Variants in SLC2A13 observed in about 807,000 individuals in gnomAD.
SLC2A13 encodes the protein solute carrier family 2 member 13, also known as proton myo-inositol cotransporter.
SLC2A13 carries 32 observed loss-of-function variants against 64.4 expected under a neutral mutation model. That is an observed-to-expected ratio of 0.50 (90% confidence interval 0.37 to 0.67). The LOEUF is 0.67. Among genes scored for constraint, SLC2A13 ranks in the 30% least tolerant of loss-of-function variants. The pLI, the probability that SLC2A13 is intolerant of heterozygous loss-of-function variation, is 0.00. For missense variants in SLC2A13, 743 were observed against 829.2 expected, an observed-to-expected ratio of 0.90 and a Z score of 1.28; for synonymous variants, 338 against 327.1, an observed-to-expected ratio of 1.03 and a Z score of -0.36.
chr12:39,886,236 G>A (rs545407694), intron 4 of SLC2A13, among the ~76,000 whole-genome samples: 2 of 152,210 alleles, frequency 1.3e-5, no homozygotes, highest in South Asian at 4.2e-4. Flanking sequence ...ACACACAAAT[G>A]TATTATTAAA....
At chr12:40,087,675 T>A (rs866047187) in intron 1 of SLC2A13, among the ~76,000 whole-genome samples, 1 of 152,162 alleles carries the variant, frequency 6.6e-6, no homozygotes, top group South Asian at 2.1e-4. Flanking sequence ...TAAGGAACTC[T>A]TACCTCATAA....
chr12:40,008,629 G>C (rs561217621), intron 3 of SLC2A13, among the ~76,000 whole-genome samples: 8 of 148,586 alleles, frequency 5.4e-5, no homozygotes, highest in African/African-American at 2.0e-4. Flanking sequence ...AAAAAAAAAA[G>C]AATATGGAGA....
chr12:39,811,492 T>C, intron 7 of SLC2A13, among the ~76,000 whole-genome samples: 1 of 152,164 alleles, frequency 6.6e-6, no homozygotes, highest in East Asian at 1.9e-4. Flanking sequence ...CCTGACGTTC[T>C]TGATATGTTA....
intron 6 of SLC2A13, among the ~76,000 whole-genome samples, chr12:39,844,539 AAAAG>A (rs1243239769): frequency 2.0e-5 from 3 of 152,084 alleles, no homozygotes; most frequent in Admixed American, 2.0e-4. Context: ...TTCTTTTTAG[AAAAG>A]AAAGCATTCA....
chr12:39,889,576 A>G (rs1476147428), intron 4 of SLC2A13, among the ~76,000 whole-genome samples: 1 of 131,098 alleles, frequency 7.6e-6, no homozygotes, highest in East Asian at 2.2e-4. Context: ...CTCTGTCACT[A>G]GGCTAGACTG....
intron 3 of SLC2A13, among the ~76,000 whole-genome samples, chr12:40,007,459 T>C (rs182553997): frequency 6.6e-6 from 1 of 152,036 alleles, no homozygotes; most frequent in African/African-American, 2.4e-5. Flanking sequence ...TCCACCAAAC[T>C]ATTTTATTTA....
chr12:39,826,918 T>C (rs1280143392), intron 7 of SLC2A13, among the ~76,000 whole-genome samples: 3 of 143,804 alleles, frequency 2.1e-5, no homozygotes, highest in African/African-American at 7.6e-5. Flanking sequence ...CTGTCACACC[T>C]GGTGGCTTCC....
At chr12:40,096,090 T>C (rs1285430867) in intron 1 of SLC2A13, among the ~76,000 whole-genome samples, 1 of 151,638 alleles carries the variant, frequency 6.6e-6, no homozygotes, top group Non-Finnish European at 1.5e-5. Flanking sequence ...TGGCTAATTT[T>C]TTTTTTTTTT....
chr12:39,971,649 G>A (rs1946647393), intron 3 of SLC2A13, among the ~76,000 whole-genome samples: 1 of 151,908 alleles, frequency 6.6e-6, no homozygotes, highest in Admixed American at 6.6e-5. Flanking sequence ...TTTATGTTAG[G>A]GGTTTGGAAC....
intron 4 of SLC2A13, among the ~76,000 whole-genome samples, chr12:39,877,199 T>G (rs995983980): frequency 6.6e-6 from 1 of 152,156 alleles, no homozygotes; most frequent in Non-Finnish European, 1.5e-5. Context: ...GACTGGGTAA[T>G]TTATAAATAA....
At chr12:39,983,021 C>T (rs1006886598) in intron 3 of SLC2A13, among the ~76,000 whole-genome samples, 14 of 147,334 alleles carry the variant, frequency 9.5e-5, no homozygotes, top group African/African-American at 3.2e-4. Context: ...AGAAATAACG[C>T]CGCATACCTA....
intron 4 of SLC2A13, among the ~76,000 whole-genome samples, chr12:39,934,957 A>G (rs181453128): frequency 5.9e-5 from 9 of 152,342 alleles, no homozygotes; most frequent in Non-Finnish European, 8.8e-5. Flanking sequence ...CTGCAATTCT[A>G]TCAGCCACAG....
chr12:40,050,129 A>G (rs1948231695), intron 1 of SLC2A13, among the ~76,000 whole-genome samples: 1 of 152,228 alleles, frequency 6.6e-6, no homozygotes, highest in Non-Finnish European at 1.5e-5. Context: ...AAATGTTGAC[A>G]CGGGATTTGT....
At chr12:39,814,516 C>G (rs989563747) in intron 7 of SLC2A13, among the ~76,000 whole-genome samples, 5 of 151,774 alleles carry the variant, frequency 3.3e-5, no homozygotes, top group African/African-American at 9.7e-5. Context: ...TACAATTTAA[C>G]AAAAATTAAT....
In SLC2A13 at chr12:40,002,322, A is replaced by G. The variant is rs76520634; in HGVS notation, c.925+25979T>C. On this transcript the variant is annotated intron_variant, in intron 3 of 9. Coordinates refer to ENST00000280871, the MANE Select transcript of SLC2A13 (RefSeq NM_052885.4). ...AAGTTAAGTAATGTATCCAACAACAACATTTAAAAAGTGGCAAAGTCCCAA... is the reference window on the plus strand; with the variant it reads ...AAGTTAAGTAATGTATCCAACAACAGCATTTAAAAAGTGGCAAAGTCCCAA... 5.5e-4 allele frequency among the ~76,000 whole-genome samples: 84 copies of G among 152,306 alleles called. No homozygotes were observed. In the East Asian group the frequency reaches 0.015, roughly 27 times the overall value.
At chr12:40,084,029 A>G (rs1283303335) in intron 1 of SLC2A13, among the ~76,000 whole-genome samples, 1 of 152,266 alleles carries the variant, frequency 6.6e-6, no homozygotes, top group Non-Finnish European at 1.5e-5. Flanking sequence ...ATACAAGTAT[A>G]GATTTGGGAG....
At chr12:39,869,467 G>A (rs1409675346) in intron 5 of SLC2A13, among the ~76,000 whole-genome samples, 2 of 152,126 alleles carry the variant, frequency 1.3e-5, no homozygotes, top group Admixed American at 6.5e-5. Flanking sequence ...ACTTGAATTG[G>A]CCACATAATA....
In SLC2A13 at chr12:40,105,935, CCGGCTGCCACGGCAGCAGCCGCCGCCA is replaced by C; in HGVS notation, c.-154_-128del. The C allele has an allele frequency of 1.5e-5, 17 of 1,167,280 alleles. No homozygotes were observed. Among genetic ancestry groups the C allele is most frequent in the Non-Finnish European group, 1.9e-5 (17 of 914,664 alleles). The allele number at this position is 1,167,280 out of a possible 1,614,324, so 72.3% of individuals were successfully genotyped here. A position where few individuals can be genotyped will look rare whatever the true frequency, so the allele number is the denominator to read the frequency against. On this transcript the variant is annotated 5_prime_UTR_variant, in exon 1 of 10. Coordinates refer to ENST00000280871, the MANE Select transcript of SLC2A13 (RefSeq NM_052885.4). The surrounding 1 kb of genome is among the most constrained non-coding windows in gnomAD (Gnocchi z 4.2). ...CGCTTTCTTCCTCCCGGCTTCCGCT[CCGGCTGCCACGGCAGCAGCCGCCGCCA>C]CGGCCGCTCCGGGGAGAAAGTTGCT... is the stretch of plus-strand genomic sequence containing the variant.
intron 3 of SLC2A13, among the ~76,000 whole-genome samples, chr12:39,972,182 A>G (rs1946675122): frequency 8.2e-6 from 1 of 121,572 alleles, no homozygotes; most frequent in African/African-American, 3.0e-5. Flanking sequence ...AAATGAAGGT[A>G]TAAAGTAGGC....
Sources: gnomAD v4.1 joint callset for allele counts (sites outside exome capture counted in the v4.1 genomes callset) on GRCh38, gnomAD v4.1.1 for gene constraint, Gnocchi (gnomAD v3.1) non-coding constraint, MANE v1.5 for transcripts, NCBI Gene and HGNC (gene_info 2026-07-23, HGNC 2026-07-21) for gene names.